STK32B: variants seen among roughly 807,000 people sequenced by gnomAD.
The protein encoded by STK32B is serine/threonine-protein kinase 32B.
A neutral mutation model predicts 52.6 loss-of-function variants in STK32B; 43 were observed. The ratio of observed to expected loss-of-function variants is 0.82; its 90% confidence interval spans 0.64 to 1.05. The LOEUF is 1.05. Among genes scored for constraint, STK32B ranks in the 50% least tolerant of loss-of-function variants. The pLI is 0.00. For synonymous variants in STK32B, 238 were observed against 204.3 expected (o/e 1.17, Z -1.41); for missense variants, 621 against 534.6 (o/e 1.16, Z -1.59).
intron 3 of STK32B, among the ~76,000 whole-genome samples, chr4:5,177,599 C>G: frequency 6.6e-6 from 1 of 152,192 alleles, no homozygotes; most frequent in East Asian, 1.9e-4. Flanking sequence ...TCCAAAGTCT[C>G]ATCTGCGACA....
At chr4:5,239,631 A>G (rs60874448) in intron 3 of STK32B, among the ~76,000 whole-genome samples, 10,820 of 152,134 alleles carry the variant, frequency 0.071, 694 homozygotes, top group African/African-American at 0.17. Context: ...CTGAGCCACA[A>G]GTGGTGTGCA....
At chr4:5,121,010 A>C (rs1476921107) in intron 1 of STK32B, among the ~76,000 whole-genome samples, 2 of 151,872 alleles carry the variant, frequency 1.3e-5, no homozygotes, top group Non-Finnish European at 2.9e-5. Context: ...GATTTCTGAG[A>C]TTTTAGTGCA....
At chr4:5,425,936 A>G (rs551097776) in intron 6 of STK32B, among the ~76,000 whole-genome samples, 3 of 152,174 alleles carry the variant, frequency 2.0e-5, no homozygotes, top group Non-Finnish European at 4.4e-5. Context: ...AGATTTACTC[A>G]TGACGTGTGT....
At chr4:5,392,998 T>G (rs933092853) in intron 4 of STK32B, among the ~76,000 whole-genome samples, 1 of 152,110 alleles carries the variant, frequency 6.6e-6, no homozygotes, top group Admixed American at 6.6e-5. Flanking sequence ...GATGATGTGT[T>G]GTCATTTCTT....
intron 1 of STK32B, among the ~76,000 whole-genome samples, chr4:5,128,525 A>G (rs191280043): frequency 6.6e-6 from 1 of 152,292 alleles, no homozygotes; most frequent in East Asian, 1.9e-4. Context: ...TTTGCTGGTA[A>G]GAGTGTGGAG....
intron 3 of STK32B, among the ~76,000 whole-genome samples, chr4:5,249,433 T>TACCTACCTA (rs1560259168): frequency 6.5e-5 from 9 of 138,496 alleles, no homozygotes; most frequent in Non-Finnish European, 1.1e-4. Flanking sequence ...CTTCCTTCCT[T>TACCTACCTA]CCTACCTACC....
chr4:5,347,298 A>AATCTC (rs1733533971), intron 4 of STK32B, among the ~76,000 whole-genome samples: 1 of 152,184 alleles, frequency 6.6e-6, no homozygotes, highest in South Asian at 2.1e-4. Context: ...CACATCATCT[A>AATCTC]ATCTCCCTGA....
intron 11 of STK32B, among the ~76,000 whole-genome samples, chr4:5,493,202 C>T (rs1719900675): frequency 1.3e-5 from 2 of 152,074 alleles, no homozygotes. Flanking sequence ...GTGAATCCAT[C>T]TGGTCCTGGA....
chr4:5,204,206 T>C (rs1248689577), intron 3 of STK32B: 1 of 152,214 alleles, frequency 6.6e-6, no homozygotes, highest in African/African-American at 2.4e-5. Flanking sequence ...ATTGTATTAA[T>C]AGATCTCTCG....
intron 6 of STK32B, among the ~76,000 whole-genome samples, chr4:5,418,976 ATCTT>A (rs1463957666): frequency 6.6e-6 from 1 of 152,150 alleles, no homozygotes; most frequent in Non-Finnish European, 1.5e-5. Context: ...ATTCCAATCT[ATCTT>A]CATGAACACT....
At chr4:5,350,166 A>T (rs966266232) in intron 4 of STK32B, among the ~76,000 whole-genome samples, 7 of 152,056 alleles carry the variant, frequency 4.6e-5, no homozygotes, top group African/African-American at 1.7e-4. Context: ...TCCATGGCAC[A>T]TTCTAGTCAA....
chr4:5,221,796 C>T (rs1005804392), intron 3 of STK32B, among the ~76,000 whole-genome samples: 2 of 139,748 alleles, frequency 1.4e-5, no homozygotes, highest in African/African-American at 5.4e-5. Flanking sequence ...ACAGAGGTTG[C>T]AGTGAGCCAA....
At chr4:5,392,580 T>G (rs1191599328) in intron 4 of STK32B, among the ~76,000 whole-genome samples, 1 of 152,160 alleles carries the variant, frequency 6.6e-6, no homozygotes, top group Non-Finnish European at 1.5e-5. Flanking sequence ...AGAACATTGA[T>G]CTAGAGACCA....
chr4:5,035,053 A>G, the STK32B span, among the ~76,000 whole-genome samples: 1 of 152,140 alleles, frequency 6.6e-6, no homozygotes, highest in East Asian at 1.9e-4. Context: ...GATTGGCTCC[A>G]ATGGGGAGGT....
chr4:5,430,489 G>A (rs1713486719), intron 6 of STK32B, among the ~76,000 whole-genome samples: 2 of 152,136 alleles, frequency 1.3e-5, no homozygotes, highest in Admixed American at 1.3e-4. Context: ...TTCCACTAAA[G>A]CCTTTGAAAT....
intron 3 of STK32B, among the ~76,000 whole-genome samples, chr4:5,313,029 A>G (rs1318101709): frequency 6.6e-6 from 1 of 152,026 alleles, no homozygotes; most frequent in East Asian, 1.9e-4. Flanking sequence ...ATGATAAAAG[A>G]AAGACCAACA....
At chr4:5,126,408 C>G (rs116044405) in intron 1 of STK32B, among the ~76,000 whole-genome samples, 2 of 152,168 alleles carry the variant, frequency 1.3e-5, no homozygotes, top group East Asian at 3.9e-4. Context: ...CCCTGCTGAG[C>G]GTGGCTGGGC....
At chr4:5,362,499 C>T (rs1253516220) in intron 4 of STK32B, among the ~76,000 whole-genome samples, 2 of 152,162 alleles carry the variant, frequency 1.3e-5, no homozygotes, top group East Asian at 3.9e-4. Context: ...AAACAGAGGG[C>T]ACTTTGTACA....
chr4:5,240,889 T>C (rs1210096361), intron 3 of STK32B, among the ~76,000 whole-genome samples: 1 of 152,242 alleles, frequency 6.6e-6, no homozygotes, highest in Non-Finnish European at 1.5e-5. Context: ...AGCTCACTAA[T>C]CTTTTTATTT....
Sources: allele counts gnomAD v4.1 joint callset (sites outside exome capture counted in the v4.1 genomes callset), GRCh38; gene constraint gnomAD v4.1.1; transcripts MANE v1.5; gene names NCBI Gene and HGNC (gene_info 2026-07-23, HGNC 2026-07-21).